The following CNTNAP2 variants were observed in gnomAD, a reference collection of about 807,000 sequenced individuals.
CNTNAP2 encodes contactin associated protein 2, also known as contactin-associated protein-like 2.
CNTNAP2 carries 98 observed loss-of-function variants against 155.2 expected under a neutral mutation model. That is an observed-to-expected ratio of 0.63 (90% CI 0.54 to 0.75). The LOEUF (loss-of-function observed/expected upper bound fraction) is 0.75, where lower values mean the gene tolerates loss of function less well. Among genes scored for constraint, CNTNAP2 ranks in the 30% least tolerant of loss-of-function variants. The probability of loss-of-function intolerance (pLI) is 0.00; values close to 1 mark genes in which losing one functional copy is unlikely to be tolerated. For missense variants in CNTNAP2, 1,727 were observed against 1,688.1 expected (o/e 1.02, Z -0.40); for synonymous variants, 651 against 631.2 (o/e 1.03, Z -0.47).
intron 18 of CNTNAP2, among the ~76,000 whole-genome samples, chr7:148,203,279 G>A (rs1033333827): frequency 3.3e-5 from 5 of 152,128 alleles, no homozygotes; most frequent in African/African-American, 4.8e-5. Context: ...AGTGTACATT[G>A]CATACCTACT....
In CNTNAP2 at chr7:147,082,668, G is replaced by A. The variant is rs546411961; in HGVS notation, c.551-25479G>A. 1.8e-4 allele frequency: 28 copies of A among 152,230 alleles called. No individual in the cohort carries two copies. The East Asian group carries it at 5.4e-3, about 29-fold the overall frequency. The allele number at this position is 152,230 out of a possible 1,614,324, so 9.4% of individuals were successfully genotyped here. On this transcript the variant is annotated intron_variant, in intron 4 of 23. Coordinates refer to ENST00000361727, the MANE Select transcript of CNTNAP2 (RefSeq NM_014141.6). ...TCACAATTGTCATAATTTTTAAGAGGAAATTTAAAATATACATTTAAGGAA... is the reference window on the plus strand; with the variant it reads ...TCACAATTGTCATAATTTTTAAGAGAAAATTTAAAATATACATTTAAGGAA...
chr7:148,051,026 C>T (rs752756481), intron 15 of CNTNAP2, among the ~76,000 whole-genome samples: 4 of 152,166 alleles, frequency 2.6e-5, no homozygotes, highest in Non-Finnish European at 5.9e-5. Context: ...ACATCTCCAT[C>T]GTTCAGGCTC....
chr7:147,960,540 C>T (rs924248012), intron 14 of CNTNAP2, among the ~76,000 whole-genome samples: 1 of 152,290 alleles, frequency 6.6e-6, no homozygotes, highest in East Asian at 1.9e-4. Flanking sequence ...GGACAAAGAA[C>T]ATTACACAAT....
intron 1 of CNTNAP2, among the ~76,000 whole-genome samples, chr7:146,723,468 T>C (rs1299255303): frequency 1.3e-5 from 2 of 152,182 alleles, no homozygotes; most frequent in East Asian, 3.9e-4. Flanking sequence ...TCATACTTAT[T>C]TAGACTTACT....
intron 4 of CNTNAP2, among the ~76,000 whole-genome samples, chr7:147,056,793 G>GA (rs1406266475): frequency 3.8e-4 from 58 of 152,136 alleles, no homozygotes; most frequent in African/African-American, 1.4e-3. Flanking sequence ...TTGTTTTGGA[G>GA]ACATTCTCAC....
At chr7:146,490,970 A>G (rs977408124) in intron 1 of CNTNAP2, among the ~76,000 whole-genome samples, 2 of 152,144 alleles carry the variant, frequency 1.3e-5, no homozygotes, top group African/African-American at 4.8e-5. Flanking sequence ...AAAATATGCT[A>G]TATGTATTTG....
At chr7:148,129,763 G>A (rs1451851703) in intron 16 of CNTNAP2, among the ~76,000 whole-genome samples, 1 of 152,178 alleles carries the variant, frequency 6.6e-6, no homozygotes, top group Non-Finnish European at 1.5e-5. Context: ...GGTATTTAAG[G>A]TCTCGTCTAC....
intron 1 of CNTNAP2, among the ~76,000 whole-genome samples, chr7:146,461,754 G>T (rs1230547110): frequency 1.3e-5 from 2 of 152,036 alleles, no homozygotes; most frequent in African/African-American, 4.8e-5. Flanking sequence ...AAGTGTATTT[G>T]GGATAGACAA....
intron 3 of CNTNAP2, among the ~76,000 whole-genome samples, chr7:146,979,751 A>G (rs1049707348): frequency 6.6e-6 from 1 of 152,230 alleles, no homozygotes; most frequent in African/African-American, 2.4e-5. Context: ...TTATGAGGGC[A>G]CCAAGAGGGT....
chr7:147,676,362 T>C (rs74907713), intron 13 of CNTNAP2, among the ~76,000 whole-genome samples: 1,669 of 152,110 alleles, frequency 0.011, 34 homozygotes, highest in African/African-American at 0.038. Flanking sequence ...ACAAACTCTA[T>C]TTTATTTAGT....
intron 12 of CNTNAP2, among the ~76,000 whole-genome samples, chr7:147,590,704 T>C (rs1445662169): frequency 6.6e-6 from 1 of 152,162 alleles, no homozygotes; most frequent in Non-Finnish European, 1.5e-5. Context: ...AGGCAGAACA[T>C]AGACAAATGT....
At chr7:147,204,725 G>A (rs1381154868) in intron 8 of CNTNAP2, among the ~76,000 whole-genome samples, 1 of 151,992 alleles carries the variant, frequency 6.6e-6, no homozygotes, top group Non-Finnish European at 1.5e-5. Flanking sequence ...CTAATGTAAT[G>A]AATAAATATT....
rs182299158 is a variant in CNTNAP2 at position 147,542,361 on chromosome 7, C to A, written c.1778-19777C>A. ...GAAAGTAAGAGTTTGTACTGGACAGCAGAAGTGACATCACCTGGGCAGGCA... is the reference window on the plus strand; with the variant it reads ...GAAAGTAAGAGTTTGTACTGGACAGAAGAAGTGACATCACCTGGGCAGGCA... On this transcript the variant is annotated intron_variant, in intron 11 of 23. Transcript: ENST00000361727. Among the ~76,000 whole-genome samples the A allele has an allele frequency of 2.0e-3, 305 of 151,742 alleles. 1 individual carries two copies. The highest frequency in any genetic ancestry group is 7.3e-3 in the African/African-American group (302 of 41,396).
intron 3 of CNTNAP2, among the ~76,000 whole-genome samples, chr7:146,943,308 A>T (rs907592431): frequency 3.9e-5 from 6 of 152,156 alleles, no homozygotes; most frequent in African/African-American, 1.4e-4. Context: ...CCTGGCCAAC[A>T]TGGCGAAATC....
At chr7:147,089,682 T>C (rs920138025) in intron 4 of CNTNAP2, among the ~76,000 whole-genome samples, 5 of 152,216 alleles carry the variant, frequency 3.3e-5, no homozygotes, top group Admixed American at 1.3e-4. Context: ...AAAGTTTACA[T>C]TGAATACATA....
At chr7:147,467,460 C>G (rs1235118925) in intron 10 of CNTNAP2, among the ~76,000 whole-genome samples, 1 of 152,152 alleles carries the variant, frequency 6.6e-6, no homozygotes, top group Non-Finnish European at 1.5e-5. Flanking sequence ...CACATGAACT[C>G]ACTTATAAGT....
intron 13 of CNTNAP2, among the ~76,000 whole-genome samples, chr7:147,884,392 T>G (rs1347976422): frequency 6.6e-6 from 1 of 152,112 alleles, no homozygotes; most frequent in African/African-American, 2.4e-5. Flanking sequence ...TTAATCAAAT[T>G]ATTCATCCAG....
intron 8 of CNTNAP2, among the ~76,000 whole-genome samples, chr7:147,219,072 T>C (rs1483694744): frequency 1.3e-5 from 2 of 152,188 alleles, no homozygotes; most frequent in Non-Finnish European, 2.9e-5. Flanking sequence ...GCTTTCTTGC[T>C]GCATTATCCA....
chr7:147,271,660 G>A (rs901609360), intron 8 of CNTNAP2, among the ~76,000 whole-genome samples: 2 of 152,144 alleles, frequency 1.3e-5, no homozygotes, highest in Admixed American at 1.3e-4. Context: ...AAGAGGGAAT[G>A]AGAGCTAAGT....
Sources: gnomAD v4.1 joint callset for allele counts (sites outside exome capture counted in the v4.1 genomes callset) on GRCh38, gnomAD v4.1.1 for gene constraint, MANE v1.5 for transcripts, NCBI Gene and HGNC (gene_info 2026-07-23, HGNC 2026-07-21) for gene names.